TPCN1: variants seen among roughly 807,000 people sequenced by gnomAD.
The protein encoded by TPCN1 is two pore segment channel 1.
TPCN1 carries 52 observed loss-of-function variants against 108.8 expected under a neutral mutation model. That is an observed-to-expected ratio of 0.48 (90% CI 0.38 to 0.60). The LOEUF (loss-of-function observed/expected upper bound fraction) is 0.60, where lower values mean the gene tolerates loss of function less well. Among genes scored for constraint, TPCN1 ranks in the 20% least tolerant of loss-of-function variants. TPCN1 has a pLI of 0.00. For missense variants in TPCN1, 806 were observed against 1,072.8 expected (o/e 0.75, Z 3.47); for synonymous variants, 446 against 433.7 (o/e 1.03, Z -0.35).
intron 25 of TPCN1, 41 bp downstream of exon 25, chr12:113,291,999 G>T (rs774793746): frequency 1.3e-6 from 2 of 1,556,170 alleles, no homozygotes; most frequent in Non-Finnish European, 1.8e-6. Context: ...GATATCTGCC[G>T]CCTACCCAGC....
intron 15 of TPCN1, among the ~76,000 whole-genome samples, chr12:113,283,905 C>T (rs750472178): frequency 7.9e-5 from 12 of 152,202 alleles, no homozygotes; most frequent in Non-Finnish European, 1.6e-4. Flanking sequence ...AGCCCCTGGG[C>T]TCACGCAATC....
intron 2 of TPCN1, among the ~76,000 whole-genome samples, chr12:113,255,135 ATAGAAAC>A (rs2136547393): frequency 6.6e-6 from 1 of 152,386 alleles, no homozygotes; most frequent in East Asian, 1.9e-4. Context: ...GATCTTCTGT[ATAGAAAC>A]GCCCATGACA....
At chr12:113,290,476 G>A (rs1956231492) in intron 22 of TPCN1, among the ~76,000 whole-genome samples, 1 of 152,174 alleles carries the variant, frequency 6.6e-6, no homozygotes. Context: ...CTCAGTACCG[G>A]GGAGGACAAG....
intron 14 of TPCN1, among the ~76,000 whole-genome samples, chr12:113,279,337 G>GTGTGTGTGTA (rs1593183385): frequency 3.0e-5 from 3 of 100,442 alleles, no homozygotes; most frequent in Admixed American, 1.2e-4. Context: ...GTGTGTGTGT[G>GTGTGTGTGTA]TATATATATG....
chr12:113,257,971 C>T (rs1457414262), intron 2 of TPCN1, among the ~76,000 whole-genome samples: 2 of 151,992 alleles, frequency 1.3e-5, no homozygotes, highest in Non-Finnish European at 2.9e-5. Flanking sequence ...ATAATAGATG[C>T]AGATTCATCT....
chr12:113,268,218 C>T lies in TPCN1; in HGVS notation c.528+262C>T, dbSNP rs1005856538. ...CCTTCGAGAGAGATGTGCTGCTCTC[C>T]GTGGTTTACATTCATCTGGAGACAT... On this transcript the variant is annotated intron_variant, in intron 5 of 27. Coordinates refer to ENST00000335509, the MANE Select transcript of TPCN1 (RefSeq NM_017901.6). This position sits in a 1 kb window ranked among gnomAD's most constrained non-coding sequence, Gnocchi z 7.3. Among the ~76,000 whole-genome samples, 6 of 152,182 alleles carry T rather than the reference C, an allele frequency of 3.9e-5. No homozygotes were observed. Among genetic ancestry groups the T allele is most frequent in the African/African-American group, 1.2e-4 (5 of 41,448 alleles).
At position 113,296,038 on chromosome 12, in the gene TPCN1, C is replaced by T; in HGVS notation, c.2413C>T (p.Pro805Ser). 6.2e-7 allele frequency: 1 copy of T among 1,613,268 alleles called. No homozygotes were observed. The highest frequency in any genetic ancestry group is 8.5e-7 in the Non-Finnish European group (1 of 1,179,846). ...CAGTGCAGCCCCCGCCGCCCAGCAG[C>T]CCCCAGGCAGCCGCCAGCGCTCCCA... is the stretch of plus-strand genomic sequence containing the variant. ...SSSAAPAAQQ[P>S]PGSRQRSQTV... is the part of the protein sequence containing the mutation. Residue 805 changes from proline to serine, a missense_variant, in exon 28 of 28, where the codon CCC (proline) becomes TCC (serine). By Grantham distance (74) the Pro-to-Ser change is moderately conservative. Coordinates refer to ENST00000335509, the MANE Select transcript of TPCN1 (RefSeq NM_017901.6).
At chr12:113,286,899 A>G in intron 18 of TPCN1, 88 bp from the exon 19 acceptor site, 1 of 863,644 alleles carries the variant, frequency 1.2e-6, no homozygotes, top group Non-Finnish European at 1.9e-6. Flanking sequence ...GCTCTGTGGG[A>G]GGGTGGCTGT....
At chr12:113,247,994 A>C (rs990960316) in intron 2 of TPCN1, among the ~76,000 whole-genome samples, 1 of 152,152 alleles carries the variant, frequency 6.6e-6, no homozygotes, top group Non-Finnish European at 1.5e-5. Context: ...CTTGAGTCTT[A>C]TTCTCCCCTT....
chr12:113,279,228 T>G (rs1955778749), intron 14 of TPCN1, among the ~76,000 whole-genome samples: 2 of 151,244 alleles, frequency 1.3e-5, no homozygotes, highest in Admixed American at 1.3e-4. Flanking sequence ...TTTCTATGCA[T>G]TTTTAAAACA....
chr12:113,242,201 G>A (rs1028086665), intron 2 of TPCN1, among the ~76,000 whole-genome samples: 1 of 152,230 alleles, frequency 6.6e-6, no homozygotes, highest in African/African-American at 2.4e-5. Flanking sequence ...AGGAACTTGC[G>A]GTTTTGCCCA....
In TPCN1 at chr12:113,271,384, T is replaced by G. The variant is rs561419066; in HGVS notation, c.749-1274T>G. 7.2e-5 allele frequency among the ~76,000 whole-genome samples: 11 copies of G among 152,344 alleles called. No homozygotes were observed. The East Asian group carries it at 1.2e-3, about 16-fold the overall frequency. ...AGGCATGTTTGTGACCTTTAGTGAT[T>G]GTGATTCCCGCTTTCCCCAAAGGTA... On this transcript the variant is annotated intron_variant, in intron 7 of 27. Coordinates refer to ENST00000335509, the MANE Select transcript of TPCN1 (RefSeq NM_017901.6).
In TPCN1 at chr12:113,277,362, C is replaced by T. The variant is rs1955711857; in HGVS notation, c.1182C>T (p.Leu394=). 4 of 1,614,066 alleles carry T rather than the reference C, an allele frequency of 2.5e-6. No individual in the cohort carries two copies. Among genetic ancestry groups the T allele is most frequent in the Non-Finnish European group, 2.5e-6 (3 of 1,180,042 alleles). The part of the protein sequence containing the change: ...KALNQNNTPL[L]SLKDFYDIYE... The stretch of plus-strand genomic sequence containing the variant: ...TGAATCAGAACAACACACCCCTGCT[C>T]AGGTAAGAGCAGATGCCTGGTAGGG... Residue 394 remains leucine (L), a splice_region_variant and synonymous_variant, in exon 12 of 28, where the codon CTC becomes CTT. Coordinates refer to ENST00000335509, the MANE Select transcript of TPCN1 (RefSeq NM_017901.6).
intron 23 of TPCN1, chr12:113,291,406 G>C (rs1314899526): frequency 1.6e-6 from 1 of 608,192 alleles, no homozygotes; most frequent in African/African-American, 1.9e-5. Flanking sequence ...GGATCCAGTC[G>C]TCCAGGGGAG....
At chr12:113,248,333 C>T (rs573977601) in intron 2 of TPCN1, among the ~76,000 whole-genome samples, 14 of 152,378 alleles carry the variant, frequency 9.2e-5, no homozygotes, top group East Asian at 5.8e-4. Context: ...TTGTGTACAA[C>T]GCTGTTCTGG....
rs1327885612 is a variant in TPCN1, at chr12:113,288,390, C to T, written c.1706+156C>T. 15 of 1,495,638 alleles carry T rather than the reference C, an allele frequency of 1.0e-5. No homozygotes were observed. The East Asian group carries it at 1.2e-4, about 12-fold the overall frequency. 92.6% of individuals were successfully genotyped at this position (1,495,638 alleles called of 1,614,324 possible). A position where few individuals can be genotyped will look rare whatever the true frequency, so the allele number is the denominator to read the frequency against. On this transcript the variant is annotated intron_variant, in intron 20 of 27. Transcript: ENST00000335509. This position sits in a 1 kb window ranked among gnomAD's most constrained non-coding sequence, Gnocchi z 4.8. ...CCAAGGAGCCTGGAATCTTGACCAC[C>T]ACAGGTCTCCTGGGCACCATTTTTC...
chr12:113,292,822 TAGAG>T, intron 25 of TPCN1, 108 bp from the exon 26 acceptor site: 2 of 1,259,440 alleles, frequency 1.6e-6, no homozygotes, highest in Non-Finnish European at 2.2e-6. Context: ...AGTGTCGGTT[TAGAG>T]AGAGAACCTT....
chr12:113,223,435 C>CTTTTTTTTTTTTTTTTTT, intron 1 of TPCN1, among the ~76,000 whole-genome samples: 1 of 120,288 alleles, frequency 8.3e-6, no homozygotes, highest in Non-Finnish European at 1.7e-5. Context: ...TCTGCTGAGT[C>CTTTTTTTTTTTTTTTTTT]TTTTTTTTTT....
intron 2 of TPCN1, among the ~76,000 whole-genome samples, chr12:113,241,383 T>C (rs1425078818): frequency 6.6e-6 from 1 of 152,208 alleles, no homozygotes; most frequent in Non-Finnish European, 1.5e-5. Flanking sequence ...ATCCAGGTGC[T>C]GGGGCGTGGC....
Sources: gnomAD v4.1 joint callset for allele counts (sites outside exome capture counted in the v4.1 genomes callset) on GRCh38, gnomAD v4.1.1 for gene constraint, Gnocchi (gnomAD v3.1) non-coding constraint, MANE v1.5 for transcripts, NCBI Gene and HGNC (gene_info 2026-07-23, HGNC 2026-07-21) for gene names.